Variants in IQCK observed in about 807,000 individuals in gnomAD.
The protein encoded by IQCK is IQ motif containing K.
A neutral mutation model predicts 28.1 loss-of-function variants in IQCK; 29 were observed. The observed-to-expected ratio is 1.03, with a 90% CI of 0.77 to 1.41. IQCK has a LOEUF of 1.41. IQCK is among the 40% of genes most tolerant of loss of function. IQCK has a pLI of 0.00. For synonymous variants in IQCK, 113 were observed against 115.1 expected (o/e 0.98, Z 0.12); for missense variants, 359 against 314.7 (o/e 1.14, Z -1.07).
upstream of IQCK, chr16:19,718,278 C>A (rs892368610): frequency 3.8e-6 from 6 of 1,581,594 alleles, no homozygotes; most frequent in Non-Finnish European, 5.1e-6. Flanking sequence ...GGCCTTCCGG[C>A]GAACGCGGTT....
chr16:19,844,964 A>G (rs945383759), intron 9 of IQCK, among the ~76,000 whole-genome samples: 1 of 152,106 alleles, frequency 6.6e-6, no homozygotes, highest in Non-Finnish European at 1.5e-5. Context: ...ACACGTCACC[A>G]TGCCTGACTA....
chr16:19,785,183 C>T (rs2055546267), intron 6 of IQCK, among the ~76,000 whole-genome samples: 1 of 152,222 alleles, frequency 6.6e-6, no homozygotes, highest in South Asian at 2.1e-4. Context: ...AAAAGGTATC[C>T]TCACCTTAGG....
chr16:19,770,854 C>G (rs536695860), intron 6 of IQCK, among the ~76,000 whole-genome samples: 3 of 152,092 alleles, frequency 2.0e-5, no homozygotes, highest in Non-Finnish European at 4.4e-5. Flanking sequence ...AACTCCTGGC[C>G]TCAAGTGATC....
chr16:19,821,413 A>G (rs951606369), intron 7 of IQCK, among the ~76,000 whole-genome samples: 7 of 152,158 alleles, frequency 4.6e-5, no homozygotes, highest in Admixed American at 2.0e-4. Flanking sequence ...TTCCAAATTG[A>G]AAATAGGTAT....
chr16:19,847,443 T>G (rs913999475), intron 9 of IQCK, among the ~76,000 whole-genome samples: 1 of 152,206 alleles, frequency 6.6e-6, no homozygotes, highest in African/African-American at 2.4e-5. Flanking sequence ...ATCCAGATAG[T>G]GAACATGGGC....
At chr16:19,847,762 C>T (rs1285117340) in intron 9 of IQCK, among the ~76,000 whole-genome samples, 1 of 152,160 alleles carries the variant, frequency 6.6e-6, no homozygotes, top group Non-Finnish European at 1.5e-5. Flanking sequence ...TGGGTTATAT[C>T]CACCTTTGGC....
intron 7 of IQCK, among the ~76,000 whole-genome samples, chr16:19,826,470 C>CG (rs2056150036): frequency 6.6e-6 from 1 of 152,206 alleles, no homozygotes; most frequent in South Asian, 2.1e-4. Context: ...CCTCCCCTCC[C>CG]GGGTTCAAGC....
chr16:19,756,462 T>A (rs1330214592), intron 4 of IQCK, among the ~76,000 whole-genome samples: 3 of 152,218 alleles, frequency 2.0e-5, no homozygotes, highest in East Asian at 3.9e-4. Context: ...ATGATCTGAA[T>A]GTCTATATCT....
At chr16:19,764,230 A>G (rs1341892000) in intron 6 of IQCK, 118 bp downstream of exon 6, 2 of 803,096 alleles carry the variant, frequency 2.5e-6, no homozygotes, top group South Asian at 3.6e-5. Flanking sequence ...TGGGCCAGTC[A>G]TATTTGTGAC....
intron 4 of IQCK, chr16:19,761,574 CAG>C (rs1271874879): frequency 7.8e-6 from 2 of 256,918 alleles, no homozygotes; most frequent in East Asian, 1.9e-4. Flanking sequence ...TAAAAGAAGA[CAG>C]AGATTTTATC....
chr16:19,764,995 G>A (rs1157906274), intron 6 of IQCK, among the ~76,000 whole-genome samples: 3 of 141,518 alleles, frequency 2.1e-5, no homozygotes, highest in Non-Finnish European at 3.1e-5. Context: ...CACCGTGCCC[G>A]GCGGATCACG....
intron 6 of IQCK, among the ~76,000 whole-genome samples, chr16:19,774,465 C>T (rs1165418600): frequency 7.7e-6 from 1 of 130,626 alleles, no homozygotes; most frequent in African/African-American, 3.0e-5. Flanking sequence ...TGGAGTGCAG[C>T]GATGCGATCT....
chr16:19,746,319 CTG>C (rs779512972), intron 4 of IQCK, among the ~76,000 whole-genome samples: 11 of 149,832 alleles, frequency 7.3e-5, no homozygotes, highest in Non-Finnish European at 1.3e-4. Context: ...CCCTAAGTAA[CTG>C]TGTTACAAAC....
chr16:19,836,651 C>T (rs545705054), intron 9 of IQCK, among the ~76,000 whole-genome samples: 48 of 152,224 alleles, frequency 3.2e-4, no homozygotes, highest in African/African-American at 1.1e-3. Context: ...GTAGCTGGGA[C>T]TACAGGCGCA....
intron 4 of IQCK, among the ~76,000 whole-genome samples, chr16:19,763,618 T>G (rs2055183114): frequency 6.6e-6 from 1 of 152,092 alleles, no homozygotes; most frequent in Non-Finnish European, 1.5e-5. Context: ...AATTTTTGTA[T>G]TTTTAGTAGG....
rs1567195682 is a variant in IQCK, at chr16:19,825,687, G to T, written c.691-1339G>T. Reference sequence around the variant, plus strand: ...GAAAATAAAAAATGAAATAAAATTTGTAAGATACTTCAAACCATGCCTGGG... The same window carrying T: ...GAAAATAAAAAATGAAATAAAATTTTTAAGATACTTCAAACCATGCCTGGG... On this transcript the variant is annotated intron_variant, in intron 7 of 7. Coordinates refer to ENST00000564186, the Ensembl canonical transcript of IQCK. The surrounding 1 kb of genome is among the most constrained non-coding windows in gnomAD (Gnocchi z 4.2). 6.6e-6 allele frequency among the ~76,000 whole-genome samples: 1 copy of T among 152,132 alleles called. No individual in the cohort carries two copies. The highest frequency in any genetic ancestry group is 1.5e-5 in the Non-Finnish European group (1 of 68,020).
chr16:19,791,707 AT>A (rs1205758769), intron 7 of IQCK, among the ~76,000 whole-genome samples: 21 of 143,356 alleles, frequency 1.5e-4, no homozygotes, highest in Admixed American at 2.7e-4. Context: ...ATATAAACAG[AT>A]GTCAAAGTGG....
In IQCK at chr16:19,744,767, T is replaced by C. The variant is rs138198545; in HGVS notation, c.474+9317T>C. Among the ~76,000 whole-genome samples, 559 of 152,350 alleles carry C rather than the reference T, an allele frequency of 3.7e-3. 3 individuals carry two copies. Among genetic ancestry groups the C allele is most frequent in the African/African-American group, 0.013 (532 of 41,588 alleles). The stretch of plus-strand genomic sequence containing the variant: ...AGCCAATGGCCTTCTAGTTTTGCTG[T>C]GAAATTAGCTGGGTGCTAGCAGTAT... On this transcript the variant is annotated intron_variant, in intron 4 of 7. Coordinates refer to ENST00000564186, the Ensembl canonical transcript of IQCK.
At position 19,851,942 on chromosome 16, in the gene IQCK, C is replaced by T. The variant is rs76242022; in HGVS notation, c.803-4545C>T. On this transcript the variant is annotated intron_variant, in intron 9 of 9. Transcript: ENST00000320394. The stretch of plus-strand genomic sequence containing the variant: ...TCTGCTAAGACCAGGAGGAGGAAGA[C>T]CACCAAGTCGAGATTTTATCTCTTG... Among the ~76,000 whole-genome samples, 820 of 152,338 alleles carry T rather than the reference C, an allele frequency of 5.4e-3. 16 individuals are homozygous for T. The East Asian group carries it at 0.075, about 14-fold the overall frequency.
Sources: gnomAD v4.1 joint callset for allele counts (sites outside exome capture counted in the v4.1 genomes callset) on GRCh38, gnomAD v4.1.1 for gene constraint, Gnocchi (gnomAD v3.1) non-coding constraint, MANE v1.5 for transcripts, NCBI Gene and HGNC (gene_info 2026-07-23, HGNC 2026-07-21) for gene names.